Variants in QSOX1 observed in about 807,000 individuals in gnomAD.
The protein encoded by QSOX1 is sulfhydryl oxidase 1.
Under a neutral mutation model 76.1 loss-of-function variants are expected in QSOX1, and 40 were observed. That is an observed-to-expected ratio of 0.53 (90% CI 0.41 to 0.68). QSOX1 has a LOEUF of 0.68. QSOX1 is among the 30% of genes least tolerant of loss of function. The pLI is 0.00. For missense variants in QSOX1, 931 were observed against 974.3 expected, an observed-to-expected ratio of 0.96 and a Z score of 0.59; for synonymous variants, 392 against 413.1, an observed-to-expected ratio of 0.95 and a Z score of 0.62.
rs1307975292 is a variant in QSOX1, at chr1:180,199,743, G to T, written c.*2706G>T. The T allele has an allele frequency of 1.3e-5, 2 of 151,926 alleles. No homozygotes were observed. The highest frequency in any genetic ancestry group is 2.9e-5 in the Non-Finnish European group (2 of 68,046). 9.4% of individuals were successfully genotyped at this position (151,926 alleles called of 1,614,324 possible). A position where few individuals can be genotyped will look rare whatever the true frequency, so the allele number is the denominator to read the frequency against. ...TGAAGGATAGAGACCAAGCAGGGAG[G>T]GTGTTGAGGAGGCTTCTGCGAGACC... On this transcript the variant is annotated 3_prime_UTR_variant, in exon 12 of 12. Coordinates refer to ENST00000367602, the MANE Select transcript of QSOX1 (RefSeq NM_002826.5).
intron 1 of QSOX1, among the ~76,000 whole-genome samples, chr1:180,161,487 T>A (rs543984558): frequency 1.3e-5 from 2 of 152,310 alleles, no homozygotes; most frequent in South Asian, 4.1e-4. Flanking sequence ...TCCTATTGTA[T>A]CCTGTTGTAA....
At chr1:180,184,618 C>T (rs1443305954) in intron 7 of QSOX1, among the ~76,000 whole-genome samples, 1 of 152,196 alleles carries the variant, frequency 6.6e-6, no homozygotes, top group Non-Finnish European at 1.5e-5. Flanking sequence ...AGCTGCTCTT[C>T]TCTCTGAGGC....
At chr1:180,163,445 AGTGAAAACT>A (rs1251061701) in intron 1 of QSOX1, among the ~76,000 whole-genome samples, 1 of 152,178 alleles carries the variant, frequency 6.6e-6, no homozygotes, top group African/African-American at 2.4e-5. Flanking sequence ...CTTAATTTCT[AGTGAAAACT>A]AGCAAGCATT....
At chr1:180,192,107 T>G (rs982855104) in intron 10 of QSOX1, among the ~76,000 whole-genome samples, 1 of 152,150 alleles carries the variant, frequency 6.6e-6, no homozygotes, top group Non-Finnish European at 1.5e-5. Flanking sequence ...TACGGCCACA[T>G]TCTGAGAGGC....
chr1:180,170,506 T>A (rs1481167561), intron 2 of QSOX1, among the ~76,000 whole-genome samples: 1 of 152,172 alleles, frequency 6.6e-6, no homozygotes, highest in Non-Finnish European at 1.5e-5. Context: ...TAGCAGTCAC[T>A]CCATAGTTTC....
In QSOX1 at chr1:180,202,380, T is replaced by G. The variant is rs1663654072; in HGVS notation, c.*5343T>G. ...CTATTAAACCTCCTGCCTCCCCTGC[T>G]GCAGTGCTTTGATGCCTTTCACCTG... On this transcript the variant is annotated 3_prime_UTR_variant, in exon 12 of 12. Transcript: ENST00000367602. 1 of 152,290 alleles carries G rather than the reference T, an allele frequency of 6.6e-6. No homozygotes were observed. The highest frequency in any genetic ancestry group is 1.5e-5 in the Non-Finnish European group (1 of 68,080). 9.4% of individuals were successfully genotyped at this position (152,290 alleles called of 1,614,324 possible).
At chr1:180,173,162 G>A (rs1323066790) in intron 2 of QSOX1, among the ~76,000 whole-genome samples, 1 of 151,828 alleles carries the variant, frequency 6.6e-6, no homozygotes, top group East Asian at 1.9e-4. Flanking sequence ...GGGCCTCACT[G>A]TGTTGCCTAG....
chr1:180,162,255 T>C (rs1322525126), intron 1 of QSOX1, among the ~76,000 whole-genome samples: 1 of 152,252 alleles, frequency 6.6e-6, no homozygotes, highest in Middle Eastern at 3.2e-3. Context: ...CATTTCTTGT[T>C]TGACAATGCT....
chr1:180,178,367 A>G (rs1036992837), intron 4 of QSOX1, among the ~76,000 whole-genome samples: 18 of 152,180 alleles, frequency 1.2e-4, no homozygotes, highest in African/African-American at 4.3e-4. Context: ...AGCTGGGATT[A>G]CAGGTGCCCG....
chr1:180,172,559 G>A (rs866727118), intron 2 of QSOX1, among the ~76,000 whole-genome samples: 13 of 152,024 alleles, frequency 8.6e-5, no homozygotes, highest in Non-Finnish European at 1.2e-4. Flanking sequence ...TCTCTCTGTC[G>A]CCCAGGCTGG....
intron 4 of QSOX1, among the ~76,000 whole-genome samples, chr1:180,176,622 G>T (rs1156457962): frequency 1.3e-5 from 2 of 152,180 alleles, no homozygotes; most frequent in Non-Finnish European, 2.9e-5. Context: ...CCAGGAAAAT[G>T]AAGACAGTAA....
Position 180,184,124 on chromosome 1 carries a change from C to T in QSOX1, c.887+74C>T, listed in dbSNP as rs1232942845. On this transcript the variant is annotated intron_variant, in intron 7 of 11. Coordinates refer to ENST00000367602, the MANE Select transcript of QSOX1 (RefSeq NM_002826.5). ...AGACCACCACACCTTCACACCCACGCCCTCTTGCTCATTCTTCTTCCTTGT... is the reference window on the plus strand; with the variant it reads ...AGACCACCACACCTTCACACCCACGTCCTCTTGCTCATTCTTCTTCCTTGT... 2.0e-6 allele frequency: 3 copies of T among 1,519,572 alleles called. No homozygotes were observed. In the African/African-American group the frequency reaches 4.1e-5, roughly 21 times the overall value. 94.1% of individuals were successfully genotyped at this position (1,519,572 alleles called of 1,614,324 possible). A position where few individuals can be genotyped will look rare whatever the true frequency, so the allele number is the denominator to read the frequency against.
chr1:180,192,778 T>C (rs931491396), intron 10 of QSOX1, among the ~76,000 whole-genome samples: 1 of 151,854 alleles, frequency 6.6e-6, no homozygotes, highest in Non-Finnish European at 1.5e-5. Context: ...AGGTGGGGAA[T>C]AGAGAGATTA....
intron 2 of QSOX1, among the ~76,000 whole-genome samples, chr1:180,170,509 A>G (rs1662735076): frequency 2.6e-5 from 4 of 152,178 alleles, no homozygotes. Context: ...CAGTCACTCC[A>G]TAGTTTCGTG....
chr1:180,174,586 A>G (rs1662836453), intron 2 of QSOX1, among the ~76,000 whole-genome samples: 1 of 152,212 alleles, frequency 6.6e-6, no homozygotes, highest in African/African-American at 2.4e-5. Flanking sequence ...ACATTTCCCA[A>G]GGGACGTAGG....
Position 180,200,680 on chromosome 1 carries a change from C to A in QSOX1, c.*3643C>A, listed in dbSNP as rs74596400. On this transcript the variant is annotated 3_prime_UTR_variant, in exon 12 of 12. Transcript: ENST00000367602. Reference sequence around the variant, plus strand: ...TAAAGAGATTAAGAAACATCCTATCCCCTTTACTCCCACCAAAATAAATAC... The same window carrying A: ...TAAAGAGATTAAGAAACATCCTATCACCTTTACTCCCACCAAAATAAATAC... 5 of 152,254 alleles carry A rather than the reference C, an allele frequency of 3.3e-5. No homozygotes were observed. The highest frequency in any genetic ancestry group is 1.3e-4 in the Admixed American group (2 of 15,302). The allele number at this position is 152,254 out of a possible 1,614,324, so 9.4% of individuals were successfully genotyped here.
chr1:180,195,454 T>C (rs1433216623), intron 11 of QSOX1, among the ~76,000 whole-genome samples: 1 of 152,194 alleles, frequency 6.6e-6, no homozygotes, highest in East Asian at 1.9e-4. Flanking sequence ...TTCCTTGTAG[T>C]CAACAACTTG....
intron 2 of QSOX1, among the ~76,000 whole-genome samples, chr1:180,168,090 G>T (rs1015619709): frequency 6.6e-6 from 1 of 152,370 alleles, no homozygotes; most frequent in Admixed American, 6.5e-5. Flanking sequence ...GTTCTGTAGG[G>T]CCTGACACCT....
chr1:180,194,945 A>G (rs1310193858), intron 11 of QSOX1, among the ~76,000 whole-genome samples: 1 of 138,312 alleles, frequency 7.2e-6, no homozygotes, highest in Admixed American at 7.6e-5. Flanking sequence ...TGTGGACAGG[A>G]GGCGGTTTGT....
Sources: gnomAD v4.1 joint callset for allele counts (sites outside exome capture counted in the v4.1 genomes callset) on GRCh38, gnomAD v4.1.1 for gene constraint, MANE v1.5 for transcripts, NCBI Gene and HGNC (gene_info 2026-07-23, HGNC 2026-07-21) for gene names.